The following UMAD1 variants were observed in gnomAD, a reference collection of about 807,000 sequenced individuals.
UMAD1 encodes the protein UBAP1-MVB12-associated (UMA)-domain containing protein 1.
In UMAD1, 8 loss-of-function variants were observed where a neutral mutation model predicts 6.1. The observed-to-expected ratio is 1.30, with a 90% CI of 0.76 to 2.35. The LOEUF (loss-of-function observed/expected upper bound fraction) is 2.35, where lower values mean the gene tolerates loss of function less well. Ranked by LOEUF, UMAD1 falls within the 30% of genes most tolerant of loss-of-function variation. UMAD1 has a pLI of 0.00. For synonymous variants in UMAD1, 56 were observed against 31.4 expected (o/e 1.78, Z -2.61); for missense variants, 130 against 78.4 (o/e 1.66, Z -2.49).
chr7:7,672,570 C>T (rs1180899243), intron 1 of UMAD1, among the ~76,000 whole-genome samples: 2 of 152,070 alleles, frequency 1.3e-5, no homozygotes, highest in African/African-American at 4.8e-5. Context: ...ATAATTAAAT[C>T]ATGGGAGCCA....
chr7:7,736,411 ACT>A (rs1294205380), intron 2 of UMAD1: 1 of 152,894 alleles, frequency 6.5e-6, no homozygotes, highest in African/African-American at 2.4e-5. Flanking sequence ...GGTTTAAATG[ACT>A]CTTCACCTGC....
intron 2 of UMAD1, among the ~76,000 whole-genome samples, chr7:7,760,684 G>A (rs1781871533): frequency 6.6e-6 from 1 of 152,070 alleles, no homozygotes; most frequent in Admixed American, 6.5e-5. Flanking sequence ...AGCAAGGCAG[G>A]GAAGGACAGG....
intron 2 of UMAD1, among the ~76,000 whole-genome samples, chr7:7,734,941 C>A (rs1402882094): frequency 6.6e-6 from 1 of 151,990 alleles, no homozygotes; most frequent in African/African-American, 2.4e-5. Context: ...AATTTGAATT[C>A]TATTTTTACA....
At chr7:7,745,410 G>A (rs182083647) in intron 2 of UMAD1, among the ~76,000 whole-genome samples, 247 of 152,242 alleles carry the variant, frequency 1.6e-3, no homozygotes, top group African/African-American at 5.6e-3. Context: ...AACTCCTTAC[G>A]GGGTGTGCCT....
At chr7:7,826,295 C>T (rs1783340169) in intron 3 of UMAD1, among the ~76,000 whole-genome samples, 1 of 152,092 alleles carries the variant, frequency 6.6e-6, no homozygotes, top group Non-Finnish European at 1.5e-5. Flanking sequence ...ACAGTTTCCT[C>T]AACTTTTTCT....
chr7:7,801,584 CA>C lies in UMAD1; in HGVS notation c.83-82del, dbSNP rs1378723903. The C allele has an allele frequency of 9.2e-6, 6 of 652,132 alleles. No homozygotes were observed. In the African/African-American group the frequency reaches 1.1e-4, roughly 12 times the overall value. The allele number at this position is 652,132 out of a possible 1,614,324, so 40.4% of individuals were successfully genotyped here. ...TTCCATGATGTGAAACATATAATAA[CA>C]AAAGATACTTCAAACAAATAGCAAG... On this transcript the variant is annotated intron_variant, in intron 2 of 3. Coordinates refer to ENST00000682710, the MANE Select transcript of UMAD1 (RefSeq NM_001302348.2).
chr7:7,719,593 CTG>C (rs1459499109), intron 2 of UMAD1, among the ~76,000 whole-genome samples: 17 of 152,090 alleles, frequency 1.1e-4, no homozygotes, highest in East Asian at 5.8e-4. Flanking sequence ...TTCAAACCGA[CTG>C]TATATTTTTC....
chr7:7,749,784 ATTACACAGAAAAC>A (rs1332676035), intron 2 of UMAD1, among the ~76,000 whole-genome samples: 1 of 152,218 alleles, frequency 6.6e-6, no homozygotes, highest in East Asian at 1.9e-4. Flanking sequence ...TGAAACATTT[ATTACACAGAAAAC>A]GTCTAAGATA....
chr7:7,831,470 A>G (rs899532076), intron 3 of UMAD1, among the ~76,000 whole-genome samples: 2 of 152,222 alleles, frequency 1.3e-5, no homozygotes, highest in African/African-American at 4.8e-5. Flanking sequence ...AAAGAAGTCA[A>G]TGAAAGAAGT....
chr7:7,735,792 T>A (rs1186929397), intron 2 of UMAD1: 2 of 152,264 alleles, frequency 1.3e-5, no homozygotes, highest in Non-Finnish European at 2.9e-5. Flanking sequence ...TAGTTTTAGT[T>A]TCCCCGAAGT....
At chr7:7,741,609 A>G (rs939230386) in intron 2 of UMAD1, among the ~76,000 whole-genome samples, 1 of 148,376 alleles carries the variant, frequency 6.7e-6, no homozygotes, top group South Asian at 2.1e-4. Flanking sequence ...TAATAATAAT[A>G]ATAATAAAAA....
chr7:7,751,074 T>C (rs577186917), intron 2 of UMAD1, among the ~76,000 whole-genome samples: 18 of 152,330 alleles, frequency 1.2e-4, no homozygotes, highest in Admixed American at 2.0e-4. Flanking sequence ...TTTGATATTA[T>C]GCAGGCTTCT....
intron 3 of UMAD1, among the ~76,000 whole-genome samples, chr7:7,841,932 A>G (rs931613457): frequency 6.6e-6 from 1 of 152,230 alleles, no homozygotes; most frequent in African/African-American, 2.4e-5. Context: ...TTAAAAACCT[A>G]TCATCTGATA....
chr7:7,814,806 T>C (rs1563228209), intron 3 of UMAD1, among the ~76,000 whole-genome samples: 1 of 152,098 alleles, frequency 6.6e-6, no homozygotes, highest in Non-Finnish European at 1.5e-5. Context: ...CTCCCATGCC[T>C]CAGGTGGAGT....
At chr7:7,750,998 A>C (rs1273183824) in intron 2 of UMAD1, among the ~76,000 whole-genome samples, 1 of 152,222 alleles carries the variant, frequency 6.6e-6, no homozygotes, top group Non-Finnish European at 1.5e-5. Context: ...ATGAATTGTA[A>C]AGAGAAACTG....
At position 7,849,553 on chromosome 7, in the gene UMAD1, A is replaced by G. The variant is rs1404946496; in HGVS notation, c.157-27728A>G. Among the ~76,000 whole-genome samples the G allele has an allele frequency of 2.0e-5, 3 of 152,158 alleles. No individual in the cohort carries two copies. The East Asian group carries it at 5.8e-4, about 29-fold the overall frequency. On this transcript the variant is annotated intron_variant, in intron 3 of 3. Coordinates refer to ENST00000682710, the MANE Select transcript of UMAD1 (RefSeq NM_001302348.2). ...GAAGGATAGAGGATGAAACCACTCT[A>G]TGACCCAACCCTGCGATGGTCATTC...
intron 2 of UMAD1, chr7:7,741,265 A>T (rs1489053614): frequency 6.7e-6 from 1 of 150,018 alleles, no homozygotes; most frequent in African/African-American, 2.5e-5. Context: ...CAAGGAAAAA[A>T]TAGTCTCAAA....
chr7:7,801,236 C>T (rs1245214939), intron 2 of UMAD1, among the ~76,000 whole-genome samples: 1 of 152,208 alleles, frequency 6.6e-6, no homozygotes, highest in Non-Finnish European at 1.5e-5. Flanking sequence ...TAAACATACA[C>T]ATCTACTCCA....
At chr7:7,660,032 A>G (rs925409165) in intron 1 of UMAD1, among the ~76,000 whole-genome samples, 4 of 152,166 alleles carry the variant, frequency 2.6e-5, no homozygotes, top group Non-Finnish European at 5.9e-5. Flanking sequence ...TTCTTGTTGC[A>G]TTGATCCCTT....
Sources: gnomAD v4.1 joint callset for allele counts (sites outside exome capture counted in the v4.1 genomes callset) on GRCh38, gnomAD v4.1.1 for gene constraint, MANE v1.5 for transcripts, NCBI Gene and HGNC (gene_info 2026-07-23, HGNC 2026-07-21) for gene names.